ZNF638: variants seen among roughly 807,000 people sequenced by gnomAD.
The protein encoded by ZNF638 is zinc finger protein 638.
In ZNF638, 46 loss-of-function variants were observed where a neutral mutation model predicts 195.6. The observed-to-expected ratio is 0.24, with a 90% confidence interval of 0.19 to 0.30. ZNF638 has a LOEUF of 0.30. Among genes scored for constraint, ZNF638 ranks in the 10% least tolerant of loss-of-function variants. The probability of loss-of-function intolerance (pLI) is 1.00; values close to 1 mark genes in which losing one functional copy is unlikely to be tolerated. For missense variants in ZNF638, 2,440 were observed against 2,325.3 expected (o/e 1.05, Z -1.01); for synonymous variants, 845 against 772.0 (o/e 1.09, Z -1.57).
At chr2:71,401,580 G>A (rs577249574) in intron 15 of ZNF638, among the ~76,000 whole-genome samples, 57 of 151,976 alleles carry the variant, frequency 3.8e-4, no homozygotes, top group Non-Finnish European at 7.4e-4. Flanking sequence ...ACAGCTGCTT[G>A]GGTGGCTGAG....
intron 1 of ZNF638, among the ~76,000 whole-genome samples, chr2:71,340,623 C>G (rs1368989816): frequency 6.6e-6 from 1 of 152,048 alleles, no homozygotes; most frequent in Non-Finnish European, 1.5e-5. Flanking sequence ...GTAGTTTTCC[C>G]TTTGTGGGAA....
rs150465488 is a variant in ZNF638, at chr2:71,423,025, G to A, written c.3511G>A (p.Gly1171Arg). The change falls in exon 22 of 28, where the codon GGA (glycine) becomes AGA (arginine). Residue 1171 changes from glycine to arginine, a missense_variant. Physicochemically the swap from Gly to Arg is moderately radical, Grantham distance 125. This residue lies in a region of ZNF638 where 1,883 missense variants were observed against 1,739.1 expected (regional missense o/e 1.08). Transcript: ENST00000264447. ...AVETLELETQGEEVKEEIPLV... is the reference protein window; with the variant it reads ...AVETLELETQREEVKEEIPLV... ...TGAAACTTTGGAGCTTGAAACTCAA[G>A]GAGAGGAGGTCAAAGAAGAAATTCC... is the stretch of plus-strand genomic sequence containing the variant. The A allele has an allele frequency of 6.2e-7, 1 of 1,614,146 alleles. No individual in the cohort carries two copies. The highest frequency in any genetic ancestry group is 1.3e-5 in the African/African-American group (1 of 75,058).
intron 1 of ZNF638, among the ~76,000 whole-genome samples, chr2:71,342,174 C>T (rs2670725): frequency 0.21 from 29,520 of 143,374 alleles, 3,336 homozygotes; most frequent in East Asian, 0.57. Flanking sequence ...TGAGCTGAGG[C>T]TGCGTCACTG....
At chr2:71,377,156 T>G (rs2079445258) in intron 8 of ZNF638, among the ~76,000 whole-genome samples, 1 of 151,944 alleles carries the variant, frequency 6.6e-6, no homozygotes, top group Non-Finnish European at 1.5e-5. Context: ...ACCCAGCTGC[T>G]GGGTAGGGTG....
chr2:71,377,352 AC>A (rs759211787), intron 8 of ZNF638, among the ~76,000 whole-genome samples: 9 of 152,188 alleles, frequency 5.9e-5, no homozygotes, highest in Non-Finnish European at 1.2e-4. Flanking sequence ...TGCAAAAAAA[AC>A]AATTTTTAAA....
chr2:71,391,611 A>G (rs1425208214), intron 10 of ZNF638, among the ~76,000 whole-genome samples: 3 of 152,236 alleles, frequency 2.0e-5, no homozygotes, highest in Non-Finnish European at 4.4e-5. Context: ...CACCTTGGAA[A>G]TATCTTAGGT....
chr2:71,434,818 G>T lies in ZNF638; in HGVS notation c.*11G>T. 6.3e-7 allele frequency: 1 copy of T among 1,587,514 alleles called. No individual in the cohort carries two copies. The highest frequency in any genetic ancestry group is 2.2e-5 in the East Asian group (1 of 44,476). On this transcript the variant is annotated 3_prime_UTR_variant, in exon 28 of 28. Coordinates refer to ENST00000264447, the MANE Select transcript of ZNF638 (RefSeq NM_014497.5). ...AGAAGCTCTAGGTGATTGGGGGAAA[G>T]GAAAGAATTCACTAGAAATTTGTTT...
intron 16 of ZNF638, among the ~76,000 whole-genome samples, chr2:71,402,318 T>C (rs1186196788): frequency 6.6e-6 from 1 of 152,140 alleles, no homozygotes; most frequent in Non-Finnish European, 1.5e-5. Flanking sequence ...AAAGTTCTAC[T>C]CAAAATTTTA....
intron 19 of ZNF638, 113 bp downstream of exon 19, chr2:71,406,375 A>G: frequency 1.1e-6 from 1 of 901,842 alleles, no homozygotes. Flanking sequence ...TTACTCAACC[A>G]CTTCGCAGAA....
intron 10 of ZNF638, among the ~76,000 whole-genome samples, chr2:71,383,560 G>GTTTGTTTT (rs2079571507): frequency 7.4e-5 from 9 of 122,116 alleles, no homozygotes; most frequent in Admixed American, 8.5e-5. Flanking sequence ...TTCCTGGGTG[G>GTTTGTTTT]TTTTTTTTTT....
intron 10 of ZNF638, among the ~76,000 whole-genome samples, chr2:71,382,933 G>T (rs1181779405): frequency 1.3e-5 from 2 of 152,158 alleles, no homozygotes; most frequent in African/African-American, 2.4e-5. Flanking sequence ...AAGAAAAGAA[G>T]CCTCACATTT....
rs1359626401 is a variant in ZNF638, at chr2:71,364,061, G to A, written c.1526G>A (p.Arg509Gln). The change falls in exon 5 of 28, where the codon CGA becomes CAA. Residue 509 changes from arginine to glutamine, a missense_variant. Arg to Gln is a conservative substitution (Grantham distance 43). Around this residue, in one of 5 missense-constraint regions of ZNF638, gnomAD observed 1,883 missense variants for 1,739.1 expected, o/e 1.08. Coordinates refer to ENST00000264447, the MANE Select transcript of ZNF638 (RefSeq NM_014497.5). ...SSSSHRFRRS[R>Q]SPMHYMYRPR... is the part of the protein sequence containing the mutation. ...TCAAGTCACAGATTCCGTCGGTCTC[G>A]AAGCCCAATGCATTACATGTATAGG... is the stretch of plus-strand genomic sequence containing the variant. 6 of 1,614,116 alleles carry A rather than the reference G, an allele frequency of 3.7e-6. No homozygotes were observed. Among genetic ancestry groups the A allele is most frequent in the Non-Finnish European group, 5.1e-6 (6 of 1,180,036 alleles).
rs1333873731 is a variant in ZNF638, at chr2:71,353,706, TG to T, written c.1318-2012del. The stretch of plus-strand genomic sequence containing the variant: ...CTGTAAGAATGATATCCTGTATTAC[TG>T]TATCTTCCTATTTTTTCAAGAAAAG... On this transcript the variant is annotated intron_variant, in intron 2 of 27. Coordinates refer to ENST00000264447, the MANE Select transcript of ZNF638 (RefSeq NM_014497.5). Among the ~76,000 whole-genome samples, 6 of 152,320 alleles carry T rather than the reference TG, an allele frequency of 3.9e-5. No individual in the cohort carries two copies. The South Asian group carries it at 8.3e-4, about 21-fold the overall frequency.
At position 71,348,100 on chromosome 2, in the gene ZNF638, G is replaced by GT. The variant is rs1243064055; in HGVS notation, c.-202-651dup. Among the ~76,000 whole-genome samples the GT allele has an allele frequency of 3.9e-5, 6 of 152,286 alleles. No homozygotes were observed. In the East Asian group the frequency reaches 1.2e-3, roughly 29 times the overall value. ...TCTATGGATGGAATCCAAGGGAAGG[G>GT]TTACTGGTTTTGTTATGTATTATGT... On this transcript the variant is annotated intron_variant, in intron 1 of 27. Coordinates refer to ENST00000264447, the MANE Select transcript of ZNF638 (RefSeq NM_014497.5).
At chr2:71,393,936 C>T (rs1388741810) in intron 10 of ZNF638, among the ~76,000 whole-genome samples, 1 of 152,176 alleles carries the variant, frequency 6.6e-6, no homozygotes, top group Admixed American at 6.5e-5. Context: ...CCTGCCGAAA[C>T]ACAATTATGG....
At chr2:71,386,607 C>A (rs1369634358) in intron 10 of ZNF638, among the ~76,000 whole-genome samples, 1 of 152,014 alleles carries the variant, frequency 6.6e-6, no homozygotes, top group Non-Finnish European at 1.5e-5. Context: ...GAAGGAAAAC[C>A]TAAGAGAATC....
At chr2:71,385,546 A>C (rs941892972) in intron 10 of ZNF638, among the ~76,000 whole-genome samples, 2 of 152,210 alleles carry the variant, frequency 1.3e-5, no homozygotes, top group Non-Finnish European at 2.9e-5. Context: ...AGAAGAGATC[A>C]TTATGAAGGA....
chr2:71,406,317 C>T, intron 19 of ZNF638, 55 bp downstream of exon 19: 1 of 1,510,334 alleles, frequency 6.6e-7, no homozygotes, highest in Non-Finnish European at 9.1e-7. Context: ...GTATAATAAC[C>T]CTGTATTCTG....
intron 23 of ZNF638, among the ~76,000 whole-genome samples, chr2:71,425,813 T>C (rs1033494336): frequency 1.3e-5 from 2 of 152,158 alleles, no homozygotes; most frequent in East Asian, 1.9e-4. Context: ...GGGTGGCATC[T>C]GCCACCACAC....
Sources: allele counts gnomAD v4.1 joint callset (sites outside exome capture counted in the v4.1 genomes callset), GRCh38; gene constraint gnomAD v4.1.1; regional missense constraint gnomAD v4.1.1; transcripts MANE v1.5; gene names NCBI Gene and HGNC (gene_info 2026-07-23, HGNC 2026-07-21).